The following FOXF1 variants were observed in gnomAD, a reference collection of about 807,000 sequenced individuals.
FOXF1 encodes forkhead box F1.
In FOXF1, 9 loss-of-function variants were observed where a neutral mutation model predicts 26.6. The ratio of observed to expected loss-of-function variants is 0.34; its 90% CI spans 0.20 to 0.59. FOXF1 has a LOEUF of 0.59. Among genes scored for constraint, FOXF1 ranks in the 20% least tolerant of loss-of-function variants. FOXF1 has a pLI of 0.83. For synonymous variants in FOXF1, 330 were observed against 257.7 expected (o/e 1.28, Z -2.69); for missense variants, 499 against 549.9 (o/e 0.91, Z 0.93).
Position 86,513,307 on chromosome 16 carries a change from G to T in FOXF1, c.*222G>T. 1 of 579,182 alleles carries T rather than the reference G, an allele frequency of 1.7e-6. No homozygotes were observed. The highest frequency in any genetic ancestry group is 3.1e-6 in the Non-Finnish European group (1 of 324,754). The allele number at this position is 579,182 out of a possible 1,614,324, so 35.9% of individuals were successfully genotyped here. ...TCAAAATTGTTAAGAAATGTTAGTGGTGGGTCTGATCTGACTGCAGCCATC... is the reference window on the plus strand; with the variant it reads ...TCAAAATTGTTAAGAAATGTTAGTGTTGGGTCTGATCTGACTGCAGCCATC... On this transcript the variant is annotated 3_prime_UTR_variant, in exon 2 of 2. Transcript: ENST00000262426.
rs1969559170 is a variant in FOXF1 at position 86,511,292 on chromosome 16, C to G, written c.723C>G (p.Ser241Arg). Residue 241 changes from serine (S) to arginine (R), a missense_variant, in exon 1 of 2, where the codon AGC (serine) becomes AGG (arginine). Physicochemically the swap from Ser to Arg is moderately radical, Grantham distance 110 (BLOSUM62 -1). This residue lies in a region of FOXF1 where 367 missense variants were observed against 324.8 expected (regional missense o/e 1.13). Coordinates refer to ENST00000262426, the MANE Select transcript of FOXF1 (RefSeq NM_001451.3). ...AAAGEYPHHD[S>R]SVPASPLLPT... Reference sequence around the variant, plus strand: ...CCGGCGAGTACCCGCACCACGACAGCTCGGTGCCCGCCTCCCCGCTGCTGC... The same window carrying G: ...CCGGCGAGTACCCGCACCACGACAGGTCGGTGCCCGCCTCCCCGCTGCTGC... 2.0e-6 allele frequency: 3 copies of G among 1,523,312 alleles called. No individual in the cohort carries two copies. Among genetic ancestry groups the G allele is most frequent in the African/African-American group, 2.8e-5 (2 of 71,974 alleles). The allele number at this position is 1,523,312 out of a possible 1,614,324, so 94.4% of individuals were successfully genotyped here. A position where few individuals can be genotyped will look rare whatever the true frequency, so the allele number is the denominator to read the frequency against.
At position 86,511,190 on chromosome 16, in the gene FOXF1, C is replaced by T. The variant is rs1264481786; in HGVS notation, c.621C>T (p.Ala207=). The change falls in exon 1 of 2, where the codon GCC becomes GCT. Residue 207 remains alanine (A), a synonymous_variant. Coordinates refer to ENST00000262426, the MANE Select transcript of FOXF1 (RefSeq NM_001451.3). ...GHLPGNVDGM[A]LPSHSVPHLP... ...TGCCGGGCAACGTGGACGGCATGGC[C>T]CTGCCCAGCCACTCGGTGCCCCACC... The T allele has an allele frequency of 6.4e-7, 1 of 1,560,620 alleles. No individual in the cohort carries two copies. The highest frequency in any genetic ancestry group is 8.6e-7 in the Non-Finnish European group (1 of 1,161,160).
rs1233928825 is a variant in FOXF1 at position 86,515,156 on chromosome 16, G to A, written c.*2071G>A. 1.3e-5 allele frequency: 2 copies of A among 151,974 alleles called. No homozygotes were observed. The highest frequency in any genetic ancestry group is 2.9e-5 in the Non-Finnish European group (2 of 68,002). The allele number at this position is 151,974 out of a possible 1,614,324, so 9.4% of individuals were successfully genotyped here. On this transcript the variant is annotated 3_prime_UTR_variant, in exon 2 of 2. Transcript: ENST00000262426. The surrounding 1 kb of genome is among the most constrained non-coding windows in gnomAD (Gnocchi z 4.1). ...TAAGTCACAGTTCGTCCTCTCTGGG[G>A]GAAAAATATTTTTTAACACTTGTAC...
At position 86,511,477 on chromosome 16, in the gene FOXF1, G is replaced by A. The variant is rs200676463; in HGVS notation, c.908G>A (p.Ser303Asn). Reference sequence around the variant, plus strand: ...CCCGCGGCCAACCCCCTGTCCGGCAGCCTCTCCACGCACTCCCTGGAGCAG... The same window carrying A: ...CCCGCGGCCAACCCCCTGTCCGGCAACCTCTCCACGCACTCCCTGGAGCAG... ...CNPAANPLSG[S>N]LSTHSLEQPY... Residue 303 changes from serine to asparagine, a missense_variant, in exon 1 of 2, where the codon AGC (serine) becomes AAC (asparagine). Physicochemically the swap from Ser to Asn is conservative, Grantham distance 46 (BLOSUM62 1). Coordinates refer to ENST00000262426, the MANE Select transcript of FOXF1 (RefSeq NM_001451.3). 8.1e-4 allele frequency: 1,289 copies of A among 1,588,580 alleles called. 5 individuals carry two copies. In the African/African-American group the frequency reaches 0.015, roughly 19 times the overall value.
Position 86,513,343 on chromosome 16 carries a change from AG to A in FOXF1, c.*259del. 1 of 514,712 alleles carries A rather than the reference AG, an allele frequency of 1.9e-6. No homozygotes were observed. The highest frequency in any genetic ancestry group is 3.5e-6 in the Non-Finnish European group (1 of 284,120). 31.9% of individuals were successfully genotyped at this position (514,712 alleles called of 1,614,324 possible). A position where few individuals can be genotyped will look rare whatever the true frequency, so the allele number is the denominator to read the frequency against. On this transcript the variant is annotated 3_prime_UTR_variant, in exon 2 of 2. Coordinates refer to ENST00000262426, the MANE Select transcript of FOXF1 (RefSeq NM_001451.3). ...CTGACTGCAGCCATCGGTAAATAAA[AG>A]TTTTTGATCCTGTTGAACCCGCCTG... is the stretch of plus-strand genomic sequence containing the variant.
chr16:86,512,752 T>C (rs1417337125), intron 1 of FOXF1, among the ~76,000 whole-genome samples, 173 bp from the exon 2 acceptor site: 3 of 151,900 alleles, frequency 2.0e-5, no homozygotes, highest in African/African-American at 7.3e-5. Flanking sequence ...TTTCCTTGGG[T>C]GCGCAGCTGG....
rs527278407 is a variant in FOXF1 at position 86,512,989 on chromosome 16, C to T, written c.1044C>T (p.Phe348=). 14 of 1,614,182 alleles carry T rather than the reference C, an allele frequency of 8.7e-6. No homozygotes were observed. Among genetic ancestry groups the T allele is most frequent in the Middle Eastern group, 1.6e-4 (1 of 6,062 alleles). Residue 348 remains phenylalanine (F), a synonymous_variant, in exon 2 of 2, where the codon TTC becomes TTT. Transcript: ENST00000262426. ...ACCGAAAGGAGTTTGTCTTCTCTTTCAACGCCATGGCGTCCTCTTCCATGC... is the reference window on the plus strand; with the variant it reads ...ACCGAAAGGAGTTTGTCTTCTCTTTTAACGCCATGGCGTCCTCTTCCATGC... ...MCDRKEFVFS[F]NAMASSSMHS... is the part of the protein sequence containing the mutation.
At position 86,514,180 on chromosome 16, in the gene FOXF1, C is replaced by G. The variant is rs377544296; in HGVS notation, c.*1095C>G. ...ATCCATTGTAAATTTGAAACAAAGA[C>G]CGATCTGTGTAAAAACAAATTTCCA... On this transcript the variant is annotated 3_prime_UTR_variant, in exon 2 of 2. Transcript: ENST00000262426. The G allele has an allele frequency of 6.6e-6, 1 of 151,666 alleles. No homozygotes were observed. The highest frequency in any genetic ancestry group is 1.5e-5 in the Non-Finnish European group (1 of 67,972). The allele number at this position is 151,666 out of a possible 1,614,324, so 9.4% of individuals were successfully genotyped here. A position where few individuals can be genotyped will look rare whatever the true frequency, so the allele number is the denominator to read the frequency against.
At position 86,513,208 on chromosome 16, in the gene FOXF1, C is replaced by T; in HGVS notation, c.*123C>T. ...AGAAGAAAAGGGTTCCACCTCTCCCCAACCGGAGTTTTTGGCAAGGAGTCC... is the reference window on the plus strand; with the variant it reads ...AGAAGAAAAGGGTTCCACCTCTCCCTAACCGGAGTTTTTGGCAAGGAGTCC... On this transcript the variant is annotated 3_prime_UTR_variant, in exon 2 of 2. Coordinates refer to ENST00000262426, the MANE Select transcript of FOXF1 (RefSeq NM_001451.3). 3.7e-6 allele frequency: 4 copies of T among 1,083,594 alleles called. No homozygotes were observed. Among genetic ancestry groups the T allele is most frequent in the Non-Finnish European group, 5.3e-6 (4 of 750,756 alleles). 67.1% of individuals were successfully genotyped at this position (1,083,594 alleles called of 1,614,324 possible). A position where few individuals can be genotyped will look rare whatever the true frequency, so the allele number is the denominator to read the frequency against.
In FOXF1 at chr16:86,511,070, G is replaced by A; in HGVS notation, c.501G>A (p.Pro167=). The A allele has an allele frequency of 3.1e-6, 5 of 1,610,032 alleles. No homozygotes were observed. Among genetic ancestry groups the A allele is most frequent in the Non-Finnish European group, 4.2e-6 (5 of 1,179,922 alleles). ...MMNGLGFNHL[P]DTYGFQGSAG... ...ACGGGCTCGGCTTCAACCACCTCCC[G>A]GACACCTACGGCTTCCAGGGCTCGG... Residue 167 remains proline, a synonymous_variant, in exon 1 of 2, where the codon CCG becomes CCA. Transcript: ENST00000262426.
rs763258260 is a variant in FOXF1, at chr16:86,513,120, C to T, written c.*35C>T. The stretch of plus-strand genomic sequence containing the variant: ...CGCAGGCCCTCCTGGTGCAGGCAGG[C>T]GGGTCACAGGGACCCTGGACCGGCA... On this transcript the variant is annotated 3_prime_UTR_variant, in exon 2 of 2. Coordinates refer to ENST00000262426, the MANE Select transcript of FOXF1 (RefSeq NM_001451.3). 4.4e-6 allele frequency: 7 copies of T among 1,603,994 alleles called. No homozygotes were observed. Among genetic ancestry groups the T allele is most frequent in the South Asian group, 2.2e-5 (2 of 90,986 alleles).
In FOXF1 at chr16:86,513,146, C is replaced by A; in HGVS notation, c.*61C>A. On this transcript the variant is annotated 3_prime_UTR_variant, in exon 2 of 2. Transcript: ENST00000262426. ...GGGTCACAGGGACCCTGGACCGGCA[C>A]AAGAAACTGCTTTCTTCTCGAGGTA... The A allele has an allele frequency of 6.5e-7, 1 of 1,547,692 alleles. No homozygotes were observed. Among genetic ancestry groups the A allele is most frequent in the South Asian group, 1.1e-5 (1 of 89,632 alleles).
chr16:86,510,607 GC>G lies in FOXF1; in HGVS notation c.39del (p.Gly14AlafsTer56). Reference sequence around the variant, plus strand: ...CCCGAGAAGCAGCAGCCACCGCACGGCGGCGGCGGCGGCGGCGGCGGGGGAG... The same window carrying G: ...CCCGAGAAGCAGCAGCCACCGCACGGGGCGGCGGCGGCGGCGGCGGGGGAG... The part of the protein sequence containing the change: ...SAPEKQQPPH[G>X]GGGGGGGGGG... On this transcript the variant is annotated frameshift_variant, in exon 1 of 2. Coordinates refer to ENST00000262426, the MANE Select transcript of FOXF1 (RefSeq NM_001451.3). LOFTEE classifies it high-confidence loss of function. 1 of 1,229,540 alleles carries G rather than the reference GC, an allele frequency of 8.1e-7. No individual in the cohort carries two copies. The allele number at this position is 1,229,540 out of a possible 1,614,324, so 76.2% of individuals were successfully genotyped here. A position where few individuals can be genotyped will look rare whatever the true frequency, so the allele number is the denominator to read the frequency against.
In FOXF1 at chr16:86,511,547, A is replaced by G; in HGVS notation, c.978A>G (p.Gln326=). Reference sequence around the variant, plus strand: ...GCCACAACGCCCCAGCCGAGCTGCAAGGTGAGTGGGGAGGCCGAGGGCGCC... The same window carrying G: ...GCCACAACGCCCCAGCCGAGCTGCAGGGTGAGTGGGGAGGCCGAGGGCGCC... ...QNSHNAPAEL[Q]GIPRYHSQSP... is the part of the protein sequence containing the mutation. Residue 326 remains glutamine (Q), a splice_region_variant and synonymous_variant, in exon 1 of 2, where the codon CAA becomes CAG. Transcript: ENST00000262426. The G allele has an allele frequency of 1.9e-6, 3 of 1,585,428 alleles. No homozygotes were observed. Among genetic ancestry groups the G allele is most frequent in the Non-Finnish European group, 2.6e-6 (3 of 1,173,854 alleles).
rs1481061747 is a variant in FOXF1 at position 86,515,226 on chromosome 16, G to T, written c.*2141G>T. 2.0e-5 allele frequency: 3 copies of T among 152,082 alleles called. No homozygotes were observed. The highest frequency in any genetic ancestry group is 7.2e-5 in the African/African-American group (3 of 41,384). 9.4% of individuals were successfully genotyped at this position (152,082 alleles called of 1,614,324 possible). A position where few individuals can be genotyped will look rare whatever the true frequency, so the allele number is the denominator to read the frequency against. On this transcript the variant is annotated 3_prime_UTR_variant, in exon 2 of 2. Coordinates refer to ENST00000262426, the MANE Select transcript of FOXF1 (RefSeq NM_001451.3). This position sits in a 1 kb window ranked among gnomAD's most constrained non-coding sequence, Gnocchi z 4.1. ...TTCTATTCCAGTTCCCGGCTACCGA[G>T]AAAAACAAACACAGTAAGTCACATT...
At position 86,510,536 on chromosome 16, in the gene FOXF1, C is replaced by A; in HGVS notation, c.-34C>A. The stretch of plus-strand genomic sequence containing the variant: ...CCGGCCCGTCCGCGGCGCAGAGCAG[C>A]GGCGGCAGCGGCGGCGGCGGCAGCA... On this transcript the variant is annotated 5_prime_UTR_variant, in exon 1 of 2. Transcript: ENST00000262426. 7.7e-7 allele frequency: 1 copy of A among 1,292,462 alleles called. No homozygotes were observed. The highest frequency in any genetic ancestry group is 2.4e-5 in the South Asian group (1 of 41,640). The allele number at this position is 1,292,462 out of a possible 1,614,324, so 80.1% of individuals were successfully genotyped here. A position where few individuals can be genotyped will look rare whatever the true frequency, so the allele number is the denominator to read the frequency against.
At position 86,513,265 on chromosome 16, in the gene FOXF1, C is replaced by A. The variant is rs952496864; in HGVS notation, c.*180C>A. The A allele has an allele frequency of 1.1e-5, 7 of 623,398 alleles. No individual in the cohort carries two copies. The highest frequency in any genetic ancestry group is 2.7e-5 in the Admixed American group (1 of 36,668). 38.6% of individuals were successfully genotyped at this position (623,398 alleles called of 1,614,324 possible). On this transcript the variant is annotated 3_prime_UTR_variant, in exon 2 of 2. Transcript: ENST00000262426. ...CAAAGACACAGCGCTGCGGTTGGCACCTCCTTCCTCACTCCTTCAAAATTG... is the reference window on the plus strand; with the variant it reads ...CAAAGACACAGCGCTGCGGTTGGCAACTCCTTCCTCACTCCTTCAAAATTG...
chr16:86,512,327 C>G (rs1969578572), intron 1 of FOXF1, among the ~76,000 whole-genome samples: 1 of 152,224 alleles, frequency 6.6e-6, no homozygotes, highest in Non-Finnish European at 1.5e-5. Context: ...AGGCCCAGCT[C>G]TGGAAAAAGC....
chr16:86,512,293 T>C (rs1482250485), intron 1 of FOXF1, among the ~76,000 whole-genome samples: 1 of 152,108 alleles, frequency 6.6e-6, no homozygotes, highest in East Asian at 1.9e-4. Context: ...CTCCTGATTC[T>C]GCCCCAGGCC....
Sources: allele counts gnomAD v4.1 joint callset (sites outside exome capture counted in the v4.1 genomes callset), GRCh38; gene constraint gnomAD v4.1.1; regional missense constraint gnomAD v4.1.1; non-coding constraint Gnocchi (gnomAD v3.1); transcripts MANE v1.5; gene names NCBI Gene and HGNC (gene_info 2026-07-23, HGNC 2026-07-21).